The following TMPRSS11F variants were observed in gnomAD, a reference collection of about 807,000 sequenced individuals.
TMPRSS11F encodes transmembrane protease serine 11F.
In TMPRSS11F, 47 loss-of-function variants were observed where a neutral mutation model predicts 60.2. The ratio of observed to expected loss-of-function variants is 0.78; its 90% CI spans 0.62 to 1.00. The LOEUF (loss-of-function observed/expected upper bound fraction) is 1.00, where lower values mean the gene tolerates loss of function less well. Among genes scored for constraint, TMPRSS11F ranks in the 50% least tolerant of loss-of-function variants. TMPRSS11F has a pLI of 0.00. For synonymous variants in TMPRSS11F, 166 were observed against 167.3 expected, an observed-to-expected ratio of 0.99 and a Z score of 0.06; for missense variants, 519 against 522.9, an observed-to-expected ratio of 0.99 and a Z score of 0.07.
chr4:68,059,396 A>G lies in TMPRSS11F; in HGVS notation c.1088T>C (p.Val363Ala). 1 of 1,613,952 alleles carries G rather than the reference A, an allele frequency of 6.2e-7. No homozygotes were observed. Among genetic ancestry groups the G allele is most frequent in the Non-Finnish European group, 8.5e-7 (1 of 1,179,960 alleles). ...ISTDVCNRKDVYDGLITPGML... is the reference protein window; with the variant it reads ...ISTDVCNRKDAYDGLITPGML... The stretch of plus-strand genomic sequence containing the variant: ...TCCTGGAGTTATCAGGCCATCATAC[A>G]CATCCTTTCTGTTACACACATCAGT... Residue 363 changes from valine (V) to alanine (A), a missense_variant, in exon 9 of 10, where the codon GTG (valine) becomes GCG (alanine). Transcript: ENST00000356291.
intron 2 of TMPRSS11F, among the ~76,000 whole-genome samples, chr4:68,095,779 C>T (rs1724061577): frequency 6.6e-6 from 1 of 151,118 alleles, no homozygotes; most frequent in Non-Finnish European, 1.5e-5. Flanking sequence ...GCCTGTAATC[C>T]CAGCTACTTG....
chr4:68,076,954 G>A (rs1373839471), intron 3 of TMPRSS11F, among the ~76,000 whole-genome samples: 1 of 152,162 alleles, frequency 6.6e-6, no homozygotes, highest in Non-Finnish European at 1.5e-5. Flanking sequence ...GCACACAGGA[G>A]AACAGTAAAG....
chr4:68,126,520 G>A (rs1393310454), intron 1 of TMPRSS11F, among the ~76,000 whole-genome samples: 1 of 152,128 alleles, frequency 6.6e-6, no homozygotes, highest in Non-Finnish European at 1.5e-5. Context: ...AGATATGTAA[G>A]ATATGTGCAT....
rs1410577931 is a variant in TMPRSS11F, at chr4:68,053,846, A to T, written c.*63T>A. 4 of 1,480,702 alleles carry T rather than the reference A, an allele frequency of 2.7e-6. No individual in the cohort carries two copies. Among genetic ancestry groups the T allele is most frequent in the East Asian group, 4.6e-5 (2 of 43,632 alleles). 91.7% of individuals were successfully genotyped at this position (1,480,702 alleles called of 1,614,324 possible). The stretch of plus-strand genomic sequence containing the variant: ...TAATCCAAAGTAAATGAATTTAAAC[A>T]ATACAAAATACGCAGGAGTATCAGC... On this transcript the variant is annotated 3_prime_UTR_variant, in exon 10 of 10. Transcript: ENST00000356291.
rs148086387 is a variant in TMPRSS11F, at chr4:68,114,553, A to G, written c.11+15257T>C. On this transcript the variant is annotated intron_variant, in intron 1 of 9. Coordinates refer to ENST00000356291, the MANE Select transcript of TMPRSS11F (RefSeq NM_207407.2). ...GTCTGAATAGTACATACCTAAAAAT[A>G]ATAACATCAATTTAAACAGATTCTG... Among the ~76,000 whole-genome samples, 1,292 of 152,254 alleles carry G rather than the reference A, an allele frequency of 8.5e-3. 9 individuals are homozygous for G. The highest frequency in any genetic ancestry group is 0.013 in the Non-Finnish European group (892 of 68,016).
chr4:68,079,031 C>A (rs78545920), intron 3 of TMPRSS11F, among the ~76,000 whole-genome samples: 6,009 of 93,150 alleles, frequency 0.065, 534 homozygotes, highest in African/African-American at 0.16. Context: ...CCATAGTCCC[C>A]CAATGCATCA....
At chr4:68,071,860 C>T (rs1487304078) in intron 5 of TMPRSS11F, among the ~76,000 whole-genome samples, 1 of 152,022 alleles carries the variant, frequency 6.6e-6, no homozygotes, top group African/African-American at 2.4e-5. Flanking sequence ...CAGGGGTAAA[C>T]CTTCATGAAG....
chr4:68,066,034 T>C (rs1180871744), intron 7 of TMPRSS11F, among the ~76,000 whole-genome samples: 1 of 150,764 alleles, frequency 6.6e-6, no homozygotes, highest in African/African-American at 2.5e-5. Flanking sequence ...GAGAATCGCT[T>C]GTTGAACCTG....
At chr4:68,126,315 A>G (rs1420728368) in intron 1 of TMPRSS11F, among the ~76,000 whole-genome samples, 2 of 152,176 alleles carry the variant, frequency 1.3e-5, no homozygotes, top group African/African-American at 4.8e-5. Context: ...TAAATTAAGT[A>G]TTTGTTGTAC....
At chr4:68,098,462 G>GT (rs1458429571) in intron 2 of TMPRSS11F, among the ~76,000 whole-genome samples, 3 of 152,008 alleles carry the variant, frequency 2.0e-5, no homozygotes, top group East Asian at 1.9e-4. Context: ...AAAAAAATCT[G>GT]TTTTTTTCTT....
chr4:68,063,065 C>G (rs778631821), intron 8 of TMPRSS11F: 3 of 653,922 alleles, frequency 4.6e-6, no homozygotes, highest in Non-Finnish European at 8.9e-6. Flanking sequence ...GTGAATTGTT[C>G]CTTGTACTGT....
At chr4:68,121,287 TA>T (rs1210795641) in intron 1 of TMPRSS11F, among the ~76,000 whole-genome samples, 1 of 152,208 alleles carries the variant, frequency 6.6e-6, no homozygotes, top group Non-Finnish European at 1.5e-5. Context: ...CAAATTCTGT[TA>T]CTTGTGACTG....
At chr4:68,124,025 A>C (rs1724669621) in intron 1 of TMPRSS11F, among the ~76,000 whole-genome samples, 1 of 152,066 alleles carries the variant, frequency 6.6e-6, no homozygotes, top group Non-Finnish European at 1.5e-5. Flanking sequence ...GTTTGAAACC[A>C]GCCTGGCCAA....
At chr4:68,108,608 T>C (rs1724347874) in intron 1 of TMPRSS11F, among the ~76,000 whole-genome samples, 1 of 152,198 alleles carries the variant, frequency 6.6e-6, no homozygotes, top group Non-Finnish European at 1.5e-5. Context: ...ACATGCCATG[T>C]ACCCAATGAG....
intron 3 of TMPRSS11F, among the ~76,000 whole-genome samples, chr4:68,086,684 A>C (rs532290244): frequency 6.6e-6 from 1 of 152,156 alleles, no homozygotes; most frequent in Non-Finnish European, 1.5e-5. Flanking sequence ...GACAAAGTTG[A>C]CATTACAACC....
chr4:68,127,084 T>G (rs1724726275), intron 1 of TMPRSS11F, among the ~76,000 whole-genome samples: 1 of 152,180 alleles, frequency 6.6e-6, no homozygotes. Flanking sequence ...CAACTTTTAT[T>G]ATGTAGTATG....
In TMPRSS11F at chr4:68,057,869, A is replaced by ATATC. The variant is rs1560390304; in HGVS notation, c.1158+1456_1158+1457insGATA. On this transcript the variant is annotated intron_variant, in intron 9 of 9. Coordinates refer to ENST00000356291, the MANE Select transcript of TMPRSS11F (RefSeq NM_207407.2). ...AAAGATAATATGGTATATCTACAAA[A>ATATC]TAAATATTATGCAGCCATAAAAAGA... Among the ~76,000 whole-genome samples the ATATC allele has an allele frequency of 5.0e-4, 76 of 152,150 alleles. No homozygotes were observed. In the South Asian group the frequency reaches 0.016, roughly 31 times the overall value.
rs946809503 is a variant in TMPRSS11F, at chr4:68,096,612, A to G, written c.163+2275T>C. ...GGGCACTGATAAATCAACCATATTC[A>G]AAAGTCACTGATTTTATTAATTCTT... On this transcript the variant is annotated intron_variant, in intron 2 of 9. Transcript: ENST00000356291. Among the ~76,000 whole-genome samples the G allele has an allele frequency of 5.3e-5, 8 of 152,292 alleles. No homozygotes were observed. In the East Asian group the frequency reaches 1.5e-3, roughly 29 times the overall value.
At chr4:68,095,485 C>T (rs1025500679) in intron 2 of TMPRSS11F, among the ~76,000 whole-genome samples, 2 of 152,070 alleles carry the variant, frequency 1.3e-5, no homozygotes, top group Non-Finnish European at 2.9e-5. Context: ...ATATCCTACA[C>T]CAAATTAGCA....
Sources: gnomAD v4.1 joint callset for allele counts (sites outside exome capture counted in the v4.1 genomes callset) on GRCh38, gnomAD v4.1.1 for gene constraint, MANE v1.5 for transcripts, NCBI Gene and HGNC (gene_info 2026-07-23, HGNC 2026-07-21) for gene names.